The following PTPRU variants were observed in gnomAD, a reference collection of about 807,000 sequenced individuals.
The protein encoded by PTPRU is protein tyrosine phosphatase receptor type U.
A neutral mutation model predicts 166.3 loss-of-function variants in PTPRU; 69 were observed. The ratio of observed to expected loss-of-function variants is 0.41; its 90% CI spans 0.34 to 0.51. The LOEUF (loss-of-function observed/expected upper bound fraction) is 0.51. Ranked by LOEUF, PTPRU falls within the 20% of genes least tolerant of loss-of-function variation. The pLI, the probability that PTPRU is intolerant of heterozygous loss-of-function variation, is 0.09. For synonymous variants in PTPRU, 793 were observed against 814.0 expected, an observed-to-expected ratio of 0.97 and a Z score of 0.44; for missense variants, 1,657 against 2,013.7, an observed-to-expected ratio of 0.82 and a Z score of 3.39.
chr1:29,283,042 G>A, intron 12 of PTPRU, 93 bp downstream of exon 12: 1 of 1,516,572 alleles, frequency 6.6e-7, no homozygotes, highest in Non-Finnish European at 8.9e-7. Flanking sequence ...GCAGACTCCA[G>A]GCCCGGCACT....
intron 14 of PTPRU, chr1:29,289,703 C>A: frequency 6.2e-7 from 1 of 1,614,058 alleles, no homozygotes; most frequent in South Asian, 1.1e-5. Flanking sequence ...TATGCCTACT[C>A]CTACTACCCG....
At position 29,271,513 on chromosome 1, in the gene PTPRU, G is replaced by A. The variant is rs1232479055; in HGVS notation, c.1145-3935G>A. Among the ~76,000 whole-genome samples the A allele has an allele frequency of 2.0e-5, 3 of 152,216 alleles. No individual in the cohort carries two copies. The highest frequency in any genetic ancestry group is 4.4e-5 in the Non-Finnish European group (3 of 68,042). On this transcript the variant is annotated intron_variant, in intron 7 of 29. Coordinates refer to ENST00000373779, the MANE Select transcript of PTPRU (RefSeq NM_133178.4). The surrounding 1 kb of genome is among the most constrained non-coding windows in gnomAD (Gnocchi z 4.4). Reference sequence around the variant, plus strand: ...AAAGAATGAGATGCCTAAGTCTGAAGTTGGGAGTTTCATCCTCCAAAGTTG... The same window carrying A: ...AAAGAATGAGATGCCTAAGTCTGAAATTGGGAGTTTCATCCTCCAAAGTTG...
At chr1:29,276,777 TTTTC>T (rs1187441768) in intron 8 of PTPRU, among the ~76,000 whole-genome samples, 2 of 152,320 alleles carry the variant, frequency 1.3e-5, no homozygotes, top group African/African-American at 2.4e-5. Flanking sequence ...GCTTACTTGA[TTTTC>T]TTTATTTTCT....
chr1:29,301,091 C>G (rs1687111802), intron 15 of PTPRU, among the ~76,000 whole-genome samples: 1 of 152,112 alleles, frequency 6.6e-6, no homozygotes, highest in Non-Finnish European at 1.5e-5. Flanking sequence ...CTGACAGTCC[C>G]CCACTGGACC....
chr1:29,259,595 CGGGGTGGGA>C, intron 5 of PTPRU, 31 bp downstream of exon 5: 14 of 265,626 alleles, frequency 5.3e-5, no homozygotes, highest in Non-Finnish European at 8.7e-5. Flanking sequence ...TGGCTGGGGG[CGGGGTGGGA>C]GGGGGTTGGT....
chr1:29,256,350 A>G (rs937478560), intron 2 of PTPRU, among the ~76,000 whole-genome samples: 5 of 152,216 alleles, frequency 3.3e-5, no homozygotes, highest in African/African-American at 1.2e-4. Flanking sequence ...GTCAGAGGAC[A>G]AATCAAATGG....
At chr1:29,264,562 A>G (rs966637631) in intron 7 of PTPRU, among the ~76,000 whole-genome samples, 2 of 151,410 alleles carry the variant, frequency 1.3e-5, no homozygotes, top group Non-Finnish European at 2.9e-5. Flanking sequence ...CTGGAGTGCA[A>G]TGGCGCAATC....
intron 15 of PTPRU, among the ~76,000 whole-genome samples, chr1:29,301,209 A>G (rs6670608): frequency 0.25 from 37,838 of 152,050 alleles, 5,947 homozygotes; most frequent in East Asian, 0.63. Context: ...CATGCGTACA[A>G]TCATGCACTG....
intron 1 of PTPRU, among the ~76,000 whole-genome samples, chr1:29,250,989 T>C (rs1362064486): frequency 1.3e-5 from 2 of 152,162 alleles, no homozygotes; most frequent in Non-Finnish European, 2.9e-5. Flanking sequence ...CAGTGGCTCA[T>C]GCCTGTAATC....
At position 29,295,414 on chromosome 1, in the gene PTPRU, T is replaced by C. The variant is rs1020724894; in HGVS notation, c.2476+3388T>C. Reference sequence around the variant, plus strand: ...TGAAAAACTTTGTTGGATGGTTTTGTATTGAATTTATAGATCAATTTGGAA... The same window carrying C: ...TGAAAAACTTTGTTGGATGGTTTTGCATTGAATTTATAGATCAATTTGGAA... On this transcript the variant is annotated intron_variant, in intron 15 of 29. Coordinates refer to ENST00000373779, the MANE Select transcript of PTPRU (RefSeq NM_133178.4). 2.0e-5 allele frequency among the ~76,000 whole-genome samples: 3 copies of C among 152,234 alleles called. 1 individual carries two copies. The highest frequency in any genetic ancestry group is 4.8e-5 in the African/African-American group (2 of 41,460).
rs1028564439 is a variant in PTPRU at position 29,236,544 on chromosome 1, C to G, written c.-101C>G. 3.2e-6 allele frequency: 3 copies of G among 934,440 alleles called. No individual in the cohort carries two copies. In the Admixed American group the frequency reaches 1.5e-4, roughly 47 times the overall value. The allele number at this position is 934,440 out of a possible 1,614,324, so 57.9% of individuals were successfully genotyped here. A position where few individuals can be genotyped will look rare whatever the true frequency, so the allele number is the denominator to read the frequency against. ...GCCAGTCCCGCTCCGCGCCGCGCCG[C>G]TCCGCTCCGGCTCGGGCTCCGGCTC... On this transcript the variant is annotated 5_prime_UTR_variant, in exon 1 of 30. Coordinates refer to ENST00000373779, the MANE Select transcript of PTPRU (RefSeq NM_133178.4). The surrounding 1 kb of genome is among the most constrained non-coding windows in gnomAD (Gnocchi z 4.6).
chr1:29,244,128 GGA>G, intron 1 of PTPRU, among the ~76,000 whole-genome samples: 1 of 152,258 alleles, frequency 6.6e-6, no homozygotes, highest in Non-Finnish European at 1.5e-5. Flanking sequence ...GTTAGGAAGG[GGA>G]GATGCTGAGG....
In PTPRU at chr1:29,315,349, G is replaced by GTC. The variant is rs1557483046; in HGVS notation, c.3228-21_3228-20dup. Reference sequence around the variant, plus strand: ...GCTTCCTCCCCAAAGCTCTGACCTGGTCTGGGGCTGCTCTCTCTCCAGCGC... The same window carrying GTC: ...GCTTCCTCCCCAAAGCTCTGACCTGGTCTCTGGGGCTGCTCTCTCTCCAGCGC... On this transcript the variant is annotated intron_variant, in intron 22 of 29. Coordinates refer to ENST00000373779, the MANE Select transcript of PTPRU (RefSeq NM_133178.4). The surrounding 1 kb of genome is among the most constrained non-coding windows in gnomAD (Gnocchi z 4.5). 6 of 1,613,888 alleles carry GTC rather than the reference G, an allele frequency of 3.7e-6. No homozygotes were observed. The highest frequency in any genetic ancestry group is 1.7e-6 in the Non-Finnish European group (2 of 1,180,020).
At position 29,291,710 on chromosome 1, in the gene PTPRU, T is replaced by C. The variant is rs1362234929; in HGVS notation, c.2319-159T>C. Among the ~76,000 whole-genome samples the C allele has an allele frequency of 2.0e-5, 3 of 151,932 alleles. No individual in the cohort carries two copies. The highest frequency in any genetic ancestry group is 6.5e-5 in the Admixed American group (1 of 15,272). On this transcript the variant is annotated intron_variant, in intron 14 of 29. Transcript: ENST00000373779. The surrounding 1 kb of genome is among the most constrained non-coding windows in gnomAD (Gnocchi z 4.1). ...AAGAAGCAGCTCTGGGTCTAATGAGTGAAGGATGGGGGCAGAGCCCTCAGC... is the reference window on the plus strand; with the variant it reads ...AAGAAGCAGCTCTGGGTCTAATGAGCGAAGGATGGGGGCAGAGCCCTCAGC...
rs751189045 is a variant in PTPRU, at chr1:29,258,711, T to G, written c.412T>G (p.Ser138Ala). The G allele has an allele frequency of 6.2e-7, 1 of 1,611,196 alleles. No homozygotes were observed. Among genetic ancestry groups the G allele is most frequent in the Non-Finnish European group, 8.5e-7 (1 of 1,178,326 alleles). ...LGSAVWNMTGSHGRQWHQAEL... is the reference protein window; with the variant it reads ...LGSAVWNMTGAHGRQWHQAEL... ...CAGTGCTGTGTGGAATATGACTGGATCCCACGGCCGTCAGTGGCACCAGGC... is the reference window on the plus strand; with the variant it reads ...CAGTGCTGTGTGGAATATGACTGGAGCCCACGGCCGTCAGTGGCACCAGGC... Residue 138 changes from serine (S) to alanine (A), a missense_variant, in exon 3 of 30, where the codon TCC becomes GCC. This residue lies in a region of PTPRU where 453 missense variants were observed against 496.9 expected (regional missense o/e 0.91). Coordinates refer to ENST00000373779, the MANE Select transcript of PTPRU (RefSeq NM_133178.4).
chr1:29,288,609 C>T (rs1343208217), intron 14 of PTPRU, among the ~76,000 whole-genome samples: 1 of 152,144 alleles, frequency 6.6e-6, no homozygotes, highest in African/African-American at 2.4e-5. Flanking sequence ...GGCCAAGCTC[C>T]TGCCTTTGCT....
intron 15 of PTPRU, among the ~76,000 whole-genome samples, chr1:29,302,808 C>T (rs1231445589): frequency 6.6e-6 from 1 of 152,172 alleles, no homozygotes; most frequent in Non-Finnish European, 1.5e-5. Flanking sequence ...CTCGGCCTCC[C>T]AAATTTCTGG....
chr1:29,271,834 A>G lies in PTPRU; in HGVS notation c.1145-3614A>G, dbSNP rs1192550257. 1.3e-5 allele frequency among the ~76,000 whole-genome samples: 2 copies of G among 152,196 alleles called. No individual in the cohort carries two copies. The highest frequency in any genetic ancestry group is 4.8e-5 in the African/African-American group (2 of 41,446). Reference sequence around the variant, plus strand: ...AAATGCTGCAGGAGGACTAGGAAGCAGAATGCTTCTGCCAAGCCCTAGAGG... The same window carrying G: ...AAATGCTGCAGGAGGACTAGGAAGCGGAATGCTTCTGCCAAGCCCTAGAGG... On this transcript the variant is annotated intron_variant, in intron 7 of 29. Transcript: ENST00000373779. The surrounding 1 kb of genome is among the most constrained non-coding windows in gnomAD (Gnocchi z 4.4).
Position 29,320,895 on chromosome 1 carries a change from C to T in PTPRU, c.3828+70C>T. ...TCCTCTGTGTATTCAGGGCCATGGT[C>T]CCCAAAGCCAAAAGTTGGGTCCCAG... On this transcript the variant is annotated intron_variant, in intron 26 of 29. Coordinates refer to ENST00000373779, the MANE Select transcript of PTPRU (RefSeq NM_133178.4). This position sits in a 1 kb window ranked among gnomAD's most constrained non-coding sequence, Gnocchi z 5.2. The T allele has an allele frequency of 1.4e-6, 2 of 1,407,846 alleles. No individual in the cohort carries two copies. Among genetic ancestry groups the T allele is most frequent in the Non-Finnish European group, 1.9e-6 (2 of 1,064,636 alleles). The allele number at this position is 1,407,846 out of a possible 1,614,324, so 87.2% of individuals were successfully genotyped here.
Sources: allele counts gnomAD v4.1 joint callset (sites outside exome capture counted in the v4.1 genomes callset), GRCh38; gene constraint gnomAD v4.1.1; regional missense constraint gnomAD v4.1.1; non-coding constraint Gnocchi (gnomAD v3.1); transcripts MANE v1.5; gene names NCBI Gene and HGNC (gene_info 2026-07-23, HGNC 2026-07-21).